Variants in FAM53A observed in about 807,000 individuals in gnomAD.
The protein encoded by FAM53A is protein FAM53A.
A neutral mutation model predicts 26.6 loss-of-function variants in FAM53A; 28 were observed. That is an observed-to-expected ratio of 1.05 (90% CI 0.78 to 1.45). The LOEUF (loss-of-function observed/expected upper bound fraction) is 1.45. FAM53A is among the 40% of genes most tolerant of loss of function. The pLI is 0.00. For synonymous variants in FAM53A, 290 were observed against 253.1 expected, an observed-to-expected ratio of 1.15 and a Z score of -1.38; for missense variants, 650 against 575.8, an observed-to-expected ratio of 1.13 and a Z score of -1.32.
intron 3 of FAM53A, among the ~76,000 whole-genome samples, 177 bp downstream of exon 3, chr4:1,657,231 G>A (rs1027243046): frequency 5.9e-5 from 9 of 152,320 alleles, no homozygotes; most frequent in African/African-American, 1.2e-4. Context: ...TCTTGACCAC[G>A]GGCCCAGCCG....
chr4:1,655,202 G>A lies in FAM53A; in HGVS notation c.658C>T (p.Arg220Cys), dbSNP rs746281678. The A allele has an allele frequency of 1.7e-5, 27 of 1,556,826 alleles. No individual in the cohort carries two copies. In the African/African-American group the frequency reaches 1.9e-4, roughly 11 times the overall value. Residue 220 changes from arginine to cysteine, a missense_variant, in exon 4 of 5, where the codon CGC becomes TGC. Physicochemically the swap from Arg to Cys is radical, Grantham distance 180. Coordinates refer to ENST00000308132, the MANE Select transcript of FAM53A (RefSeq NM_001174070.3). Reference protein sequence around the residue: ...SAESCLPSTRRRPSLSQERLA... With the variant: ...SAESCLPSTRCRPSLSQERLA... The stretch of plus-strand genomic sequence containing the variant: ...CGCTCCTGTGAGAGGGACGGGCGGC[G>A]CCTCGTGGAGGGCAAGCAGGACTCC...
At chr4:1,635,525 G>A (rs1211996525), downstream of FAM53A, among the ~76,000 whole-genome samples, 1 of 152,102 alleles carries the variant, frequency 6.6e-6, no homozygotes, top group Non-Finnish European at 1.5e-5. Context: ...CCTCCCCGCT[G>A]TTGGCCTTCC....
intron 1 of FAM53A, among the ~76,000 whole-genome samples, chr4:1,632,768 C>T (rs929009418): frequency 5.3e-5 from 8 of 152,246 alleles, no homozygotes; most frequent in African/African-American, 1.4e-4. Context: ...AGTGCTCACA[C>T]GTGTGCATAT....
downstream of FAM53A, among the ~76,000 whole-genome samples, chr4:1,637,453 C>T (rs73078107): frequency 9.6e-3 from 1,466 of 152,196 alleles, 24 homozygotes; most frequent in Middle Eastern, 0.031. Context: ...AGGATGGAGA[C>T]GTATTCAGGA....
At chr4:1,586,782 CAAA>C in the FAM53A span, among the ~76,000 whole-genome samples, 1 of 109,580 alleles carries the variant, frequency 9.1e-6, no homozygotes, top group African/African-American at 3.8e-5. Flanking sequence ...GACTCCGTCT[CAAA>C]AAAAAAAAAA....
the FAM53A span, among the ~76,000 whole-genome samples, chr4:1,610,041 T>A: frequency 6.6e-6 from 1 of 152,144 alleles, no homozygotes; most frequent in South Asian, 2.1e-4. Context: ...ATGGCCTCCC[T>A]GGAACCCAGG....
intron 4 of FAM53A, among the ~76,000 whole-genome samples, chr4:1,645,312 T>C (rs1245748029): frequency 6.6e-6 from 1 of 152,198 alleles, no homozygotes; most frequent in African/African-American, 2.4e-5. Flanking sequence ...AGGAGGCCAG[T>C]GTGAGAAGCA....
intron 4 of FAM53A, among the ~76,000 whole-genome samples, chr4:1,643,284 G>T (rs1014612758): frequency 6.6e-6 from 1 of 152,138 alleles, no homozygotes; most frequent in Middle Eastern, 3.4e-3. Flanking sequence ...GGCTAACACG[G>T]TGAAGCCCCG....
chr4:1,623,515 G>T (rs994358580), intron 1 of FAM53A, among the ~76,000 whole-genome samples: 15 of 152,198 alleles, frequency 9.9e-5, no homozygotes, highest in Non-Finnish European at 5.9e-5. Flanking sequence ...AGTCCACTTG[G>T]TCACCCGCTG....
the FAM53A span, among the ~76,000 whole-genome samples, chr4:1,594,530 G>A: frequency 6.6e-5 from 10 of 152,294 alleles, no homozygotes; most frequent in South Asian, 2.1e-3. Flanking sequence ...TCAAAAATCT[G>A]GTAATGTGGA....
At chr4:1,629,084 G>T (rs1715492968) in intron 1 of FAM53A, among the ~76,000 whole-genome samples, 1 of 151,950 alleles carries the variant, frequency 6.6e-6, no homozygotes, top group South Asian at 2.1e-4. Flanking sequence ...GCCTGCGTTG[G>T]GGGACAGCAC....
At chr4:1,578,877 G>A in the FAM53A span, among the ~76,000 whole-genome samples, 4 of 55,418 alleles carry the variant, frequency 7.2e-5, no homozygotes, top group East Asian at 3.7e-3. Context: ...GGAGAGAAGA[G>A]GGGGAGGGGA....
rs75964543 is a variant in FAM53A, at chr4:1,667,479, C to T, written c.75+1188G>A. Among the ~76,000 whole-genome samples, 982 of 152,280 alleles carry T rather than the reference C, an allele frequency of 6.4e-3. 12 individuals carry two copies. Among genetic ancestry groups the T allele is most frequent in the African/African-American group, 0.022 (923 of 41,564 alleles). On this transcript the variant is annotated intron_variant, in intron 2 of 4. Coordinates refer to ENST00000308132, the MANE Select transcript of FAM53A (RefSeq NM_001174070.3). ...ACACAGCCAGCGCTGCCACGGTCAC[C>T]TCAGTCACAGCGGCCCTGAGTGCCA...
At chr4:1,638,331 G>C (rs1715938859), downstream of FAM53A, among the ~76,000 whole-genome samples, 1 of 152,090 alleles carries the variant, frequency 6.6e-6, no homozygotes, top group South Asian at 2.1e-4. Flanking sequence ...GGGGACCCAA[G>C]GGTGCCCTGA....
At chr4:1,591,279 G>T in the FAM53A span, among the ~76,000 whole-genome samples, 5 of 151,784 alleles carry the variant, frequency 3.3e-5, no homozygotes, top group African/African-American at 1.2e-4. Flanking sequence ...TCAGATCATT[G>T]AGTCTAACTC....
At chr4:1,655,772 G>C in intron 3 of FAM53A, 49 bp from the exon 4 acceptor site, 1 of 1,473,958 alleles carries the variant, frequency 6.8e-7, no homozygotes, top group Non-Finnish European at 8.9e-7. Flanking sequence ...GTGAGCCACA[G>C]GGCAGGCGAC....
intron 1 of FAM53A, among the ~76,000 whole-genome samples, chr4:1,632,103 G>T (rs1715632914): frequency 6.7e-6 from 1 of 149,018 alleles, no homozygotes; most frequent in Admixed American, 6.8e-5. Context: ...GGTGGAGGTC[G>T]CAGTGAGCTG....
At chr4:1,642,266 G>A (rs1374260861) in intron 4 of FAM53A, among the ~76,000 whole-genome samples, 1 of 152,126 alleles carries the variant, frequency 6.6e-6, no homozygotes, top group Admixed American at 6.5e-5. Context: ...GCGACAAACA[G>A]GTGCACACAC....
intron 1 of FAM53A, among the ~76,000 whole-genome samples, chr4:1,670,673 G>C (rs1030583738): frequency 2.0e-5 from 3 of 152,058 alleles, no homozygotes; most frequent in African/African-American, 4.8e-5. Flanking sequence ...GACTCCAAGA[G>C]GGGTGTCGTG....
Sources: gnomAD v4.1 joint callset for allele counts (sites outside exome capture counted in the v4.1 genomes callset) on GRCh38, gnomAD v4.1.1 for gene constraint, MANE v1.5 for transcripts, NCBI Gene and HGNC (gene_info 2026-07-23, HGNC 2026-07-21) for gene names.